Variants in CARMIL1 observed in about 807,000 individuals in gnomAD.
CARMIL1 encodes the protein F-actin-uncapping protein LRRC16A.
CARMIL1 carries 90 observed loss-of-function variants against 177.1 expected under a neutral mutation model. The observed-to-expected ratio is 0.51, with a 90% CI of 0.43 to 0.61. The LOEUF is 0.61. Ranked by LOEUF, CARMIL1 falls within the 20% of genes least tolerant of loss-of-function variation. The probability of loss-of-function intolerance (pLI) is 0.00; values close to 1 mark genes in which losing one functional copy is unlikely to be tolerated. For missense variants in CARMIL1, 1,380 were observed against 1,667.0 expected (o/e 0.83, Z 3.00); for synonymous variants, 577 against 606.2 (o/e 0.95, Z 0.71).
chr6:25,369,374 ATTTTG>A (rs767581379), intron 2 of CARMIL1, among the ~76,000 whole-genome samples: 4 of 96,008 alleles, frequency 4.2e-5, no homozygotes, highest in East Asian at 2.5e-4. Flanking sequence ...GCAATGCTGT[ATTTTG>A]TTTTTTTTTT....
rs1259462387 is a variant in CARMIL1, at chr6:25,465,996, C to A, written c.690+48C>A. 3.6e-6 allele frequency: 5 copies of A among 1,398,612 alleles called. No homozygotes were observed. In the South Asian group the frequency reaches 5.8e-5, roughly 16 times the overall value. 86.6% of individuals were successfully genotyped at this position (1,398,612 alleles called of 1,614,324 possible). ...AATGTTGCTTGGCTTTGCTGAATTT[C>A]AAAAACCCAATAATTGTGGGAAAAA... is the stretch of plus-strand genomic sequence containing the variant. On this transcript the variant is annotated intron_variant, in intron 9 of 36. Transcript: ENST00000329474.
At chr6:25,487,696 C>G (rs1562204754) in intron 12 of CARMIL1, among the ~76,000 whole-genome samples, 1 of 152,108 alleles carries the variant, frequency 6.6e-6, no homozygotes, top group Non-Finnish European at 1.5e-5. Flanking sequence ...TCAAAGAGCT[C>G]CTTTTCCCTT....
chr6:25,529,807 A>C (rs2151101752), intron 24 of CARMIL1, among the ~76,000 whole-genome samples: 1 of 149,626 alleles, frequency 6.7e-6, no homozygotes, highest in South Asian at 2.1e-4. Flanking sequence ...TATGAACAGG[A>C]GTAGTCAGAG....
At chr6:25,405,684 C>T (rs1794298741) in intron 2 of CARMIL1, among the ~76,000 whole-genome samples, 2 of 152,310 alleles carry the variant, frequency 1.3e-5, no homozygotes, top group South Asian at 4.1e-4. Context: ...CTTTCCTCTA[C>T]TAGGCTATCT....
chr6:25,481,916 T>C (rs1802152856), intron 11 of CARMIL1, among the ~76,000 whole-genome samples: 2 of 152,126 alleles, frequency 1.3e-5, no homozygotes, highest in South Asian at 4.1e-4. Flanking sequence ...TTAAGACAGG[T>C]TAAAAAGAAA....
Position 25,608,143 on chromosome 6 carries a change from A to G in CARMIL1, c.3847+1870A>G, listed in dbSNP as rs115017637. Among the ~76,000 whole-genome samples, 246 of 152,330 alleles carry G rather than the reference A, an allele frequency of 1.6e-3. 1 individual carries two copies. Among genetic ancestry groups the G allele is most frequent in the African/African-American group, 5.0e-3 (206 of 41,566 alleles). On this transcript the variant is annotated intron_variant, in intron 35 of 36. Coordinates refer to ENST00000329474, the MANE Select transcript of CARMIL1 (RefSeq NM_017640.6). ...TGCAATAAAGAAATAGTTCTTATAG[A>G]ATGAATCTAGTTTGTAGAGTAACCT... is the stretch of plus-strand genomic sequence containing the variant.
At chr6:25,552,517 C>T (rs1229773733) in intron 27 of CARMIL1, among the ~76,000 whole-genome samples, 1 of 152,072 alleles carries the variant, frequency 6.6e-6, no homozygotes, top group Non-Finnish European at 1.5e-5. Context: ...AATATTTACA[C>T]CTACACATGC....
At chr6:25,612,127 C>A (rs890028234) in intron 36 of CARMIL1, among the ~76,000 whole-genome samples, 59 of 152,314 alleles carry the variant, frequency 3.9e-4, no homozygotes, top group African/African-American at 1.3e-3. Context: ...TAGACATCAT[C>A]CTGGTGTTAT....
chr6:25,537,764 G>GT (rs372948140), intron 24 of CARMIL1, 91 bp from the exon 25 acceptor site: 1 of 1,501,960 alleles, frequency 6.7e-7, no homozygotes, highest in Non-Finnish European at 9.0e-7. Flanking sequence ...GTTTGCTGAA[G>GT]TTTTTTTCAT....
chr6:25,502,515 A>G (rs1040226674), intron 17 of CARMIL1, among the ~76,000 whole-genome samples: 2 of 150,464 alleles, frequency 1.3e-5, no homozygotes, highest in Admixed American at 6.6e-5. Context: ...GATTGTACCA[A>G]TGCACTCCAG....
chr6:25,487,019 C>T (rs1802728191), intron 12 of CARMIL1, among the ~76,000 whole-genome samples: 1 of 152,086 alleles, frequency 6.6e-6, no homozygotes. Flanking sequence ...GGTGAGTTGA[C>T]AGCCAAGAAG....
chr6:25,373,559 T>C (rs1336689473), intron 2 of CARMIL1, among the ~76,000 whole-genome samples: 2 of 151,794 alleles, frequency 1.3e-5, no homozygotes, highest in Non-Finnish European at 2.9e-5. Flanking sequence ...CTTTTGGTTA[T>C]AATGTCTCAA....
At chr6:25,445,089 C>T (rs1798103238) in intron 5 of CARMIL1, among the ~76,000 whole-genome samples, 1 of 152,234 alleles carries the variant, frequency 6.6e-6, no homozygotes, top group African/African-American at 2.4e-5. Flanking sequence ...GATGGTATCT[C>T]ATTGTGGTTT....
intron 11 of CARMIL1, among the ~76,000 whole-genome samples, chr6:25,479,498 T>G (rs116024158): frequency 1.3e-3 from 201 of 152,330 alleles, no homozygotes; most frequent in Middle Eastern, 0.01. Context: ...GCCTGTAAGA[T>G]CTTTACATTC....
intron 2 of CARMIL1, among the ~76,000 whole-genome samples, chr6:25,296,897 C>CTATT (rs1227891772): frequency 1.1e-3 from 34 of 30,344 alleles, no homozygotes; most frequent in African/African-American, 6.3e-3. Flanking sequence ...CTATCTTTAT[C>CTATT]TATCTATCTA....
intron 24 of CARMIL1, among the ~76,000 whole-genome samples, chr6:25,531,146 T>C (rs969868986): frequency 7.2e-5 from 11 of 152,216 alleles, no homozygotes; most frequent in Admixed American, 7.2e-4. Flanking sequence ...ATAAGTATCC[T>C]ATTTAAATTT....
At chr6:25,336,825 C>T (rs1786283950) in intron 2 of CARMIL1, among the ~76,000 whole-genome samples, 2 of 152,116 alleles carry the variant, frequency 1.3e-5, no homozygotes, top group Admixed American at 1.3e-4. Context: ...CTGCTTTGTT[C>T]CAGAAAATGA....
intron 29 of CARMIL1, among the ~76,000 whole-genome samples, chr6:25,573,058 G>A (rs896034392): frequency 1.3e-5 from 2 of 152,110 alleles, no homozygotes; most frequent in African/African-American, 2.4e-5. Flanking sequence ...TATGGGCTCT[G>A]GGGATCTAGA....
intron 35 of CARMIL1, among the ~76,000 whole-genome samples, chr6:25,607,465 T>C (rs2151325171): frequency 6.6e-6 from 1 of 152,260 alleles, no homozygotes; most frequent in South Asian, 2.1e-4. Flanking sequence ...CTGCTCCATT[T>C]TACGGATGAG....
Sources: allele counts gnomAD v4.1 joint callset (sites outside exome capture counted in the v4.1 genomes callset), GRCh38; gene constraint gnomAD v4.1.1; transcripts MANE v1.5; gene names NCBI Gene and HGNC (gene_info 2026-07-23, HGNC 2026-07-21).